Variants in RELCH observed in about 807,000 individuals in gnomAD.
The protein encoded by RELCH is RAB11 binding and LisH domain, coiled-coil and HEAT repeat containing.
In RELCH, 41 loss-of-function variants were observed where a neutral mutation model predicts 150.3. That is an observed-to-expected ratio of 0.27 (90% CI 0.21 to 0.35). The LOEUF is 0.35. Among genes scored for constraint, RELCH ranks in the 10% least tolerant of loss-of-function variants. The probability of loss-of-function intolerance (pLI) is 1.00; values close to 1 mark genes in which losing one functional copy is unlikely to be tolerated. For synonymous variants in RELCH, 478 were observed against 531.8 expected (o/e 0.90, Z 1.39); for missense variants, 1,092 against 1,467.8 (o/e 0.74, Z 4.18).
intron 5 of RELCH, among the ~76,000 whole-genome samples, chr18:62,224,115 C>T (rs1305688960): frequency 1.3e-5 from 2 of 152,090 alleles, no homozygotes; most frequent in African/African-American, 4.8e-5. Flanking sequence ...CTATCCCTCC[C>T]CCAGCCCCTC....
chr18:62,250,359 G>A (rs1008559403), intron 11 of RELCH, among the ~76,000 whole-genome samples: 9 of 152,182 alleles, frequency 5.9e-5, no homozygotes, highest in South Asian at 2.1e-4. Flanking sequence ...TGTTCAAAAC[G>A]CTTTTTAAGA....
chr18:62,188,128 G>C, intron 1 of RELCH, 97 bp downstream of exon 1: 3 of 1,354,956 alleles, frequency 2.2e-6, no homozygotes, highest in Non-Finnish European at 2.9e-6. Context: ...GTCCCGATAG[G>C]GACATTTTAA....
chr18:62,287,081 G>C (rs1023449844), intron 25 of RELCH, among the ~76,000 whole-genome samples: 2 of 152,102 alleles, frequency 1.3e-5, no homozygotes, highest in African/African-American at 4.8e-5. Flanking sequence ...ATTACAGTGA[G>C]GCCAAATAAT....
chr18:62,225,460 T>G (rs924618481), intron 5 of RELCH, among the ~76,000 whole-genome samples: 3 of 151,986 alleles, frequency 2.0e-5, no homozygotes, highest in Non-Finnish European at 4.4e-5. Flanking sequence ...ATATCCAAAA[T>G]TTATAAAGAG....
At chr18:62,295,355 T>G (rs2045358537) in intron 27 of RELCH, among the ~76,000 whole-genome samples, 1 of 151,248 alleles carries the variant, frequency 6.6e-6, no homozygotes, top group Non-Finnish European at 1.5e-5. Context: ...TAAAGTTAGT[T>G]TTGAATAGGG....
At chr18:62,255,115 T>C (rs1281002361) in intron 12 of RELCH, among the ~76,000 whole-genome samples, 1 of 152,110 alleles carries the variant, frequency 6.6e-6, no homozygotes, top group Non-Finnish European at 1.5e-5. Flanking sequence ...TTTCTCCTGT[T>C]ACTCTAAGGA....
chr18:62,232,848 A>G (rs1202959773), intron 10 of RELCH, among the ~76,000 whole-genome samples: 1 of 152,100 alleles, frequency 6.6e-6, no homozygotes, highest in African/African-American at 2.4e-5. Context: ...AGGAGGAATA[A>G]TATAACACTA....
At chr18:62,288,907 G>C (rs187138702) in intron 26 of RELCH, among the ~76,000 whole-genome samples, 252 of 152,134 alleles carry the variant, frequency 1.7e-3, no homozygotes, top group Non-Finnish European at 2.7e-3. Flanking sequence ...CTCAAAGAAA[G>C]AAAACATTGG....
intron 27 of RELCH, among the ~76,000 whole-genome samples, chr18:62,293,283 G>A (rs546875930): frequency 6.6e-6 from 1 of 152,116 alleles, no homozygotes; most frequent in Non-Finnish European, 1.5e-5. Flanking sequence ...TAAGGAATTG[G>A]CTTATGCAGT....
intron 25 of RELCH, among the ~76,000 whole-genome samples, chr18:62,283,231 T>C (rs1380889662): frequency 6.6e-6 from 1 of 152,226 alleles, no homozygotes; most frequent in Non-Finnish European, 1.5e-5. Flanking sequence ...TTTTAATTCA[T>C]AGCTTGTTGA....
At chr18:62,221,589 T>A (rs1045324848) in intron 5 of RELCH, 92 bp downstream of exon 5, 22 of 540,156 alleles carry the variant, frequency 4.1e-5, no homozygotes, top group African/African-American at 3.4e-4. Context: ...TTTTTTAAGT[T>A]ATATATATAG....
chr18:62,303,420 T>G (rs2045753443), intron 28 of RELCH, among the ~76,000 whole-genome samples: 2 of 152,220 alleles, frequency 1.3e-5, no homozygotes, highest in Admixed American at 1.3e-4. Flanking sequence ...ATATTCTTCA[T>G]TCCTTTCATT....
chr18:62,261,590 C>T lies in RELCH; in HGVS notation c.2282C>T (p.Ala761Val). 2 of 1,611,948 alleles carry T rather than the reference C, an allele frequency of 1.2e-6. No homozygotes were observed. The highest frequency in any genetic ancestry group is 1.7e-6 in the Non-Finnish European group (2 of 1,178,716). The change falls in exon 16 of 29, where the codon GCA becomes GTA. Residue 761 changes from alanine (A) to valine (V), a missense_variant. Ala to Val is a moderately conservative substitution (Grantham distance 64). Transcript: ENST00000644646. ...CAGTCCTTGATCCCATCTCTCTTTGCATTAGTGCTACAGAATGCACCTTTC... is the reference window on the plus strand; with the variant it reads ...CAGTCCTTGATCCCATCTCTCTTTGTATTAGTGCTACAGAATGCACCTTTC... ...ALQSLIPSLFALVLQNAPFSS... is the reference protein window; with the variant it reads ...ALQSLIPSLFVLVLQNAPFSS...
In RELCH at chr18:62,251,711, A is replaced by G. The variant is rs953063857; in HGVS notation, c.1734-953A>G. ...CTTAAAATACCACTTTATTAATATG[A>G]TACTGTAGTTTTTAATTATAGAAAC... is the stretch of plus-strand genomic sequence containing the variant. On this transcript the variant is annotated intron_variant, in intron 11 of 28. Coordinates refer to ENST00000644646, the MANE Select transcript of RELCH (RefSeq NM_001346231.2). Among the ~76,000 whole-genome samples, 5 of 152,324 alleles carry G rather than the reference A, an allele frequency of 3.3e-5. No individual in the cohort carries two copies. In the South Asian group the frequency reaches 1.0e-3, roughly 32 times the overall value.
intron 27 of RELCH, among the ~76,000 whole-genome samples, chr18:62,298,001 A>G (rs570214533): frequency 6.6e-6 from 1 of 152,128 alleles, no homozygotes; most frequent in East Asian, 1.9e-4. Context: ...TTTCTAATAC[A>G]CTACATAATT....
At chr18:62,266,847 C>G (rs1600153253) in intron 19 of RELCH, 98 bp downstream of exon 19, 2 of 700,274 alleles carry the variant, frequency 2.9e-6, no homozygotes, top group South Asian at 2.0e-5. Flanking sequence ...AATGAACTAG[C>G]AACTACAATT....
At position 62,279,864 on chromosome 18, in the gene RELCH, T is replaced by G. The variant is rs1350446813; in HGVS notation, c.3050+8T>G. On this transcript the variant is annotated splice_region_variant and intron_variant, in intron 23 of 28. Transcript: ENST00000644646. ...CTCCAGTGACCCTGAAATGTAAGTG[T>G]CATCCCTGCCTTTTATATTCGGCAT... 1 of 1,521,886 alleles carries G rather than the reference T, an allele frequency of 6.6e-7. No individual in the cohort carries two copies. The highest frequency in any genetic ancestry group is 8.8e-7 in the Non-Finnish European group (1 of 1,134,040). The allele number at this position is 1,521,886 out of a possible 1,614,324, so 94.3% of individuals were successfully genotyped here. A position where few individuals can be genotyped will look rare whatever the true frequency, so the allele number is the denominator to read the frequency against.
intron 22 of RELCH, among the ~76,000 whole-genome samples, chr18:62,278,762 G>A (rs77181927): frequency 0.013 from 2,010 of 152,116 alleles, 40 homozygotes; most frequent in African/African-American, 0.045. Context: ...GCTCAGTATT[G>A]TTCTCTTGTA....
intron 28 of RELCH, among the ~76,000 whole-genome samples, chr18:62,304,606 A>C (rs1046143364): frequency 2.0e-5 from 3 of 152,206 alleles, no homozygotes; most frequent in African/African-American, 7.2e-5. Context: ...AGTCAGAGAG[A>C]GCTAAAGCAT....
Sources: gnomAD v4.1 joint callset for allele counts (sites outside exome capture counted in the v4.1 genomes callset) on GRCh38, gnomAD v4.1.1 for gene constraint, MANE v1.5 for transcripts, NCBI Gene and HGNC (gene_info 2026-07-23, HGNC 2026-07-21) for gene names.